The following DOCK7 variants were observed in gnomAD, a reference collection of about 807,000 sequenced individuals.
DOCK7 encodes dedicator of cytokinesis protein 7.
DOCK7 carries 138 observed loss-of-function variants against 271.0 expected under a neutral mutation model. That is an observed-to-expected ratio of 0.51 (90% CI 0.44 to 0.59). The LOEUF is 0.59. DOCK7 is among the 20% of genes least tolerant of loss of function. The probability of loss-of-function intolerance (pLI) is 0.00; values close to 1 mark genes in which losing one functional copy is unlikely to be tolerated. For missense variants in DOCK7, 2,066 were observed against 2,592.4 expected, an observed-to-expected ratio of 0.80 and a Z score of 4.41; for synonymous variants, 823 against 876.1, an observed-to-expected ratio of 0.94 and a Z score of 1.07.
chr1:62,514,632 A>G (rs1430236900), intron 31 of DOCK7, among the ~76,000 whole-genome samples: 1 of 152,152 alleles, frequency 6.6e-6, no homozygotes. Context: ...TTTTACAGAT[A>G]AAAATACAGA....
chr1:62,663,148 A>G lies in DOCK7; in HGVS notation c.39-18T>C. 2 of 1,581,178 alleles carry G rather than the reference A, an allele frequency of 1.3e-6. No individual in the cohort carries two copies. Among genetic ancestry groups the G allele is most frequent in the Non-Finnish European group, 1.7e-6 (2 of 1,157,188 alleles). ...CCACCGTTCTACAATGAAGAAAGCA[A>G]AAACATACGCATTATTGAAAAAAAA... is the stretch of plus-strand genomic sequence containing the variant. On this transcript the variant is annotated intron_variant, in intron 1 of 49. Transcript: ENST00000635253.
chr1:62,663,931 A>G (rs1658970445), intron 1 of DOCK7, among the ~76,000 whole-genome samples: 1 of 152,246 alleles, frequency 6.6e-6, no homozygotes, highest in Non-Finnish European at 1.5e-5. Context: ...AAACTTTGGA[A>G]GCATCAAGCT....
chr1:62,532,636 A>T (rs1483792540), intron 29 of DOCK7, among the ~76,000 whole-genome samples: 1 of 152,234 alleles, frequency 6.6e-6, no homozygotes, highest in East Asian at 1.9e-4. Context: ...TGCCTGGCCA[A>T]TATGGCTGTA....
chr1:62,468,582 GAAAT>G (rs1645746504), intron 48 of DOCK7, among the ~76,000 whole-genome samples: 1 of 152,034 alleles, frequency 6.6e-6, no homozygotes, highest in African/African-American at 2.4e-5. Context: ...ACAAGAGAAA[GAAAT>G]AAAGCAAATC....
At position 62,654,049 on chromosome 1, in the gene DOCK7, A is replaced by G; in HGVS notation, c.255T>C (p.Asp85=). The part of the protein sequence containing the change: ...PLRDLIEFPP[D]DIEVVYSPRD... ...GAGGACTATAAACAACTTCAATATC[A>G]TCTGGAGGAAATTCAATCAAATCCC... The change falls in exon 3 of 50, where the codon GAT becomes GAC. Residue 85 remains aspartate (D), a synonymous_variant. Coordinates refer to ENST00000635253, the MANE Select transcript of DOCK7 (RefSeq NM_001367561.1). The G allele has an allele frequency of 5.6e-6, 9 of 1,613,966 alleles. No individual in the cohort carries two copies. Among genetic ancestry groups the G allele is most frequent in the Non-Finnish European group, 7.6e-6 (9 of 1,179,908 alleles).
At chr1:62,603,429 T>C (rs1251406043) in intron 14 of DOCK7, among the ~76,000 whole-genome samples, 2 of 151,842 alleles carry the variant, frequency 1.3e-5, no homozygotes, top group African/African-American at 4.8e-5. Flanking sequence ...AAAAAAGTTA[T>C]TAAGAACCAT....
chr1:62,592,154 A>G (rs1648543041), intron 14 of DOCK7, among the ~76,000 whole-genome samples: 1 of 152,192 alleles, frequency 6.6e-6, no homozygotes, highest in Non-Finnish European at 1.5e-5. Context: ...ATTCTTTTCC[A>G]TTTGACTACT....
chr1:62,590,664 G>T (rs964519560), intron 14 of DOCK7, among the ~76,000 whole-genome samples: 2 of 151,960 alleles, frequency 1.3e-5, no homozygotes, highest in Non-Finnish European at 2.9e-5. Flanking sequence ...TGGGATTAAA[G>T]AATCTGCTCA....
intron 48 of DOCK7, among the ~76,000 whole-genome samples, chr1:62,462,095 C>G (rs1571177227): frequency 6.6e-6 from 1 of 151,134 alleles, no homozygotes; most frequent in Non-Finnish European, 1.5e-5. Flanking sequence ...TTAATAAAAT[C>G]ATAAAAGCAT....
At chr1:62,553,312 T>TATATATA (rs1553168301) in intron 21 of DOCK7, among the ~76,000 whole-genome samples, 6 of 20,582 alleles carry the variant, frequency 2.9e-4, no homozygotes, top group African/African-American at 1.2e-3. Flanking sequence ...AAAAAGTATT[T>TATATATA]TATATATATA....
chr1:62,590,000 A>C (rs1367862527), intron 14 of DOCK7, among the ~76,000 whole-genome samples: 3 of 152,148 alleles, frequency 2.0e-5, no homozygotes, highest in Admixed American at 6.5e-5. Context: ...TCTGCAAAGA[A>C]GACCGAAAGG....
At chr1:62,584,288 T>C in intron 15 of DOCK7, 1 of 975,346 alleles carries the variant, frequency 1.0e-6, no homozygotes, top group Non-Finnish European at 1.2e-6. Flanking sequence ...TTCATCAATT[T>C]ACAAATACCT....
chr1:62,566,281 A>G (rs1646512033), intron 18 of DOCK7, among the ~76,000 whole-genome samples: 1 of 152,168 alleles, frequency 6.6e-6, no homozygotes, highest in Non-Finnish European at 1.5e-5. Context: ...GCATCACACT[A>G]CCTGACTTCA....
chr1:62,466,884 A>C (rs1167999), intron 48 of DOCK7, among the ~76,000 whole-genome samples: 150,613 of 152,148 alleles, frequency 0.99, 74,562 homozygotes, highest in Middle Eastern at 1. Flanking sequence ...CGCCATTGCA[A>C]TCAAGCCTGG....
At chr1:62,473,666 C>T (rs1218247018) in intron 48 of DOCK7, among the ~76,000 whole-genome samples, 1 of 152,096 alleles carries the variant, frequency 6.6e-6, no homozygotes, top group East Asian at 1.9e-4. Flanking sequence ...TTTACTACAG[C>T]CTCCAACTCC....
chr1:62,535,654 C>T (rs751947889), intron 28 of DOCK7, 22 bp from the exon 29 acceptor site: 1 of 1,609,324 alleles, frequency 6.2e-7, no homozygotes, highest in African/African-American at 1.3e-5. Context: ...TGAGGCAGAA[C>T]AAGACTATAA....
In DOCK7 at chr1:62,513,466, C is replaced by T. The variant is rs754604342; in HGVS notation, c.4260G>A (p.Thr1420=). Residue 1420 remains threonine, a synonymous_variant, in exon 33 of 50, where the codon ACG becomes ACA. Coordinates refer to ENST00000635253, the MANE Select transcript of DOCK7 (RefSeq NM_001367561.1). ...CACCAGGAGGAGAAGCTATTGTGTA[C>T]GTACCGAGCTGTCCTCGGCTTCGCC... ...MVRRSRGQLG[T]YTIASPPERS... is the part of the protein sequence containing the mutation. The T allele has an allele frequency of 1.6e-5, 26 of 1,607,988 alleles. 1 individual carries two copies. Among genetic ancestry groups the T allele is most frequent in the South Asian group, 5.6e-5 (5 of 89,608 alleles).
chr1:62,583,525 C>A (rs990770485), intron 15 of DOCK7, among the ~76,000 whole-genome samples: 5 of 151,992 alleles, frequency 3.3e-5, no homozygotes, highest in African/African-American at 1.2e-4. Context: ...CATTTCTTTC[C>A]TTTTTCTTAA....
chr1:62,507,498 AAAT>A (rs1288787143), intron 35 of DOCK7, among the ~76,000 whole-genome samples: 1 of 152,230 alleles, frequency 6.6e-6, no homozygotes, highest in Non-Finnish European at 1.5e-5. Context: ...AAAACTAAAT[AAAT>A]GTCAGCTATC....
Sources: gnomAD v4.1 joint callset for allele counts (sites outside exome capture counted in the v4.1 genomes callset) on GRCh38, gnomAD v4.1.1 for gene constraint, MANE v1.5 for transcripts, NCBI Gene and HGNC (gene_info 2026-07-23, HGNC 2026-07-21) for gene names.